Variants in GPM6A observed in about 807,000 individuals in gnomAD.
GPM6A encodes neuronal membrane glycoprotein M6-a.
In GPM6A, 7 loss-of-function variants were observed where a neutral mutation model predicts 32.1. That is an observed-to-expected ratio of 0.22 (90% CI 0.12 to 0.41). The LOEUF (loss-of-function observed/expected upper bound fraction) is 0.41. Among genes scored for constraint, GPM6A ranks in the 10% least tolerant of loss-of-function variants. The pLI is 1.00. For missense variants in GPM6A, 235 were observed against 347.2 expected (o/e 0.68, Z 2.57); for synonymous variants, 130 against 123.4 (o/e 1.05, Z -0.35).
At chr4:175,741,911 C>T (rs1261156415) in intron 1 of GPM6A, among the ~76,000 whole-genome samples, 1 of 151,854 alleles carries the variant, frequency 6.6e-6, no homozygotes, top group Admixed American at 6.6e-5. Context: ...AATGACAGAT[C>T]TTGCAATCAA....
chr4:175,786,013 A>G (rs1297165897), intron 1 of GPM6A, among the ~76,000 whole-genome samples: 1 of 152,198 alleles, frequency 6.6e-6, no homozygotes, highest in Non-Finnish European at 1.5e-5. Context: ...AAAATATGAG[A>G]GAGCATCGCA....
chr4:175,699,812 G>A (rs895434066), intron 2 of GPM6A, among the ~76,000 whole-genome samples: 1 of 151,872 alleles, frequency 6.6e-6, no homozygotes, highest in Non-Finnish European at 1.5e-5. Context: ...TCTGTCCAGG[G>A]GTATATGTTG....
chr4:175,974,864 G>A (rs1295759984), intron 1 of GPM6A, among the ~76,000 whole-genome samples: 1 of 151,984 alleles, frequency 6.6e-6, no homozygotes, highest in African/African-American at 2.4e-5. Flanking sequence ...GGTATTTTTT[G>A]TAGAGACAGG....
intron 1 of GPM6A, among the ~76,000 whole-genome samples, chr4:175,892,401 GTC>G (rs1385830309): frequency 6.6e-6 from 1 of 152,022 alleles, no homozygotes; most frequent in East Asian, 1.9e-4. Context: ...GTCCAATACT[GTC>G]TATCCTTCAA....
chr4:175,707,235 ACTT>A (rs1474903424), intron 1 of GPM6A, among the ~76,000 whole-genome samples: 35 of 152,332 alleles, frequency 2.3e-4, no homozygotes, highest in African/African-American at 6.7e-4. Context: ...CTTGCCCTGA[ACTT>A]CTTCTTGCTC....
intron 1 of GPM6A, among the ~76,000 whole-genome samples, chr4:175,888,899 C>T (rs1360432207): frequency 2.0e-5 from 3 of 151,912 alleles, no homozygotes; most frequent in African/African-American, 4.8e-5. Flanking sequence ...GACCAAGAAA[C>T]AGAAGGAAAA....
chr4:175,838,643 AATTT>A (rs1427144544), intron 1 of GPM6A, among the ~76,000 whole-genome samples: 29 of 125,066 alleles, frequency 2.3e-4, no homozygotes, highest in Non-Finnish European at 4.1e-4. Context: ...TCTAGCAGTG[AATTT>A]TTTTTTTTTT....
chr4:175,995,108 T>G (rs938866269), intron 1 of GPM6A, among the ~76,000 whole-genome samples: 4 of 152,172 alleles, frequency 2.6e-5, no homozygotes, highest in Non-Finnish European at 5.9e-5. Context: ...CTTCCTCCAC[T>G]GAAGGCTTGA....
intron 1 of GPM6A, among the ~76,000 whole-genome samples, chr4:175,723,414 ATTTTAT>A (rs1031872670): frequency 6.6e-6 from 1 of 152,070 alleles, no homozygotes; most frequent in African/African-American, 2.4e-5. Flanking sequence ...TCAACCATTT[ATTTTAT>A]TTTTATTTTT....
intron 1 of GPM6A, chr4:175,807,275 A>G (rs1280217840): frequency 6.6e-6 from 1 of 152,226 alleles, no homozygotes; most frequent in African/African-American, 2.4e-5. Flanking sequence ...CATCAAGAAT[A>G]CACTAAAGAA....
intron 1 of GPM6A, among the ~76,000 whole-genome samples, chr4:175,948,271 T>G (rs1014604126): frequency 1.3e-5 from 2 of 152,058 alleles, no homozygotes; most frequent in African/African-American, 2.4e-5. Context: ...CTTTGGGAGG[T>G]AATTAGGTCA....
intron 2 of GPM6A, among the ~76,000 whole-genome samples, chr4:175,689,683 C>T (rs1348156114): frequency 6.6e-6 from 1 of 152,156 alleles, no homozygotes; most frequent in African/African-American, 2.4e-5. Context: ...ATATTCTATC[C>T]ATTCTTGAAA....
chr4:175,659,181 C>T (rs1742258711), intron 3 of GPM6A, among the ~76,000 whole-genome samples: 1 of 150,796 alleles, frequency 6.6e-6, no homozygotes, highest in African/African-American at 2.4e-5. Context: ...CTCCCGGGTT[C>T]AAGCGACTCT....
chr4:175,726,211 G>A (rs1746402937), intron 1 of GPM6A, among the ~76,000 whole-genome samples: 1 of 151,678 alleles, frequency 6.6e-6, no homozygotes, highest in South Asian at 2.1e-4. Flanking sequence ...GTGTTGGCCA[G>A]AATGGTCTCG....
chr4:175,693,914 C>T (rs1309925837), intron 2 of GPM6A, among the ~76,000 whole-genome samples: 1 of 152,118 alleles, frequency 6.6e-6, no homozygotes, highest in African/African-American at 2.4e-5. Context: ...CCCCTCAGTG[C>T]TATTCTTGTG....
chr4:175,671,105 C>T (rs1333670015), intron 3 of GPM6A, among the ~76,000 whole-genome samples: 5 of 151,822 alleles, frequency 3.3e-5, no homozygotes, highest in East Asian at 1.9e-4. Context: ...CCTCGTGATC[C>T]GCCTGCCTCG....
chr4:175,986,935 C>T (rs563813342), intron 1 of GPM6A, among the ~76,000 whole-genome samples: 1 of 152,168 alleles, frequency 6.6e-6, no homozygotes, highest in African/African-American at 2.4e-5. Context: ...CATACTACTC[C>T]TCTGGCTAGA....
chr4:175,912,382 T>C (rs573436989), intron 1 of GPM6A, among the ~76,000 whole-genome samples: 1 of 152,116 alleles, frequency 6.6e-6, no homozygotes, highest in South Asian at 2.1e-4. Context: ...TTGCTGGGCA[T>C]GGTGGCTCAT....
chr4:175,880,470 T>C (rs6822522), intron 1 of GPM6A, among the ~76,000 whole-genome samples: 3,870 of 152,238 alleles, frequency 0.025, 158 homozygotes, highest in African/African-American at 0.087. Flanking sequence ...CTATAAATTA[T>C]CTTGGGCAGT....
Sources: gnomAD v4.1 joint callset for allele counts (sites outside exome capture counted in the v4.1 genomes callset) on GRCh38, gnomAD v4.1.1 for gene constraint, MANE v1.5 for transcripts, NCBI Gene and HGNC (gene_info 2026-07-23, HGNC 2026-07-21) for gene names.